Variants in ATF1 observed in about 807,000 individuals in gnomAD.
ATF1 encodes cyclic AMP-dependent transcription factor ATF-1.
ATF1 carries 16 observed loss-of-function variants against 34.7 expected under a neutral mutation model. The observed-to-expected ratio is 0.46, with a 90% CI of 0.31 to 0.70. The LOEUF is 0.70. Among genes scored for constraint, ATF1 ranks in the 30% least tolerant of loss-of-function variants. The probability of loss-of-function intolerance (pLI) is 0.05; values close to 1 mark genes in which losing one functional copy is unlikely to be tolerated. For synonymous variants in ATF1, 105 were observed against 113.1 expected (o/e 0.93, Z 0.46); for missense variants, 255 against 321.6 (o/e 0.79, Z 1.58).
rs144122599 is a variant in ATF1 at position 50,796,268 on chromosome 12, G to A, written c.194+259G>A. 1.3e-3 allele frequency among the ~76,000 whole-genome samples: 197 copies of A among 152,004 alleles called. 1 individual carries two copies. Among genetic ancestry groups the A allele is most frequent in the African/African-American group, 4.6e-3 (190 of 41,434 alleles). Reference sequence around the variant, plus strand: ...ACCTTAGCTGGACATAGTGGCGCACGCCTGTAGTCCCATCTACTTAGAGGC... The same window carrying A: ...ACCTTAGCTGGACATAGTGGCGCACACCTGTAGTCCCATCTACTTAGAGGC... On this transcript the variant is annotated intron_variant, in intron 3 of 6. Transcript: ENST00000262053.
intron 1 of ATF1, among the ~76,000 whole-genome samples, chr12:50,767,602 G>A (rs1182316023): frequency 6.6e-6 from 1 of 152,230 alleles, no homozygotes; most frequent in Non-Finnish European, 1.5e-5. Flanking sequence ...ATACTTGGCT[G>A]CAGGTCCCTG....
intron 5 of ATF1, 37 bp downstream of exon 5, chr12:50,814,229 A>T (rs1941795518): frequency 6.2e-7 from 1 of 1,613,226 alleles, no homozygotes; most frequent in South Asian, 1.1e-5. Context: ...GTCTCCTAAC[A>T]CTGTCAGAGA....
intron 6 of ATF1, 112 bp downstream of exon 6, chr12:50,814,551 G>A (rs1055273282): frequency 7.8e-6 from 9 of 1,160,540 alleles, no homozygotes; most frequent in Non-Finnish European, 1.1e-5. Context: ...CAATGTTTAA[G>A]TAAACAATGG....
At chr12:50,796,827 A>G (rs1941417725) in intron 3 of ATF1, among the ~76,000 whole-genome samples, 1 of 152,330 alleles carries the variant, frequency 6.6e-6, no homozygotes, top group South Asian at 2.1e-4. Context: ...CATAGGCGAT[A>G]AGCTCTTCGA....
chr12:50,806,175 T>A (rs1401053816), intron 3 of ATF1, among the ~76,000 whole-genome samples: 6 of 150,310 alleles, frequency 4.0e-5, no homozygotes, highest in African/African-American at 1.5e-4. Flanking sequence ...AAGAAAAAAA[T>A]AATTGCTAGT....
chr12:50,783,864 C>CT (rs1172551642), intron 2 of ATF1, among the ~76,000 whole-genome samples: 1 of 74,164 alleles, frequency 1.3e-5, no homozygotes, highest in Non-Finnish European at 2.9e-5. Flanking sequence ...AAAACTCCGT[C>CT]TGAAAAAAAA....
intron 4 of ATF1, among the ~76,000 whole-genome samples, chr12:50,810,572 C>A (rs1941715993): frequency 6.6e-6 from 1 of 152,132 alleles, no homozygotes; most frequent in Admixed American, 6.6e-5. Flanking sequence ...CAGTAAAATT[C>A]ACTCTTTGGG....
At chr12:50,795,810 G>T in intron 2 of ATF1, 99 bp from the exon 3 acceptor site, 1 of 822,084 alleles carries the variant, frequency 1.2e-6, no homozygotes, top group Admixed American at 2.6e-5. Flanking sequence ...AAATGAATTG[G>T]AGTGGCAGGA....
chr12:50,819,505 A>G (rs185457687), intron 6 of ATF1, 130 bp from the exon 7 acceptor site: 1,994 of 1,032,036 alleles, frequency 1.9e-3, no homozygotes, highest in Non-Finnish European at 2.4e-3. Flanking sequence ...CTTAAGATCT[A>G]TGTATTCTCT....
intron 4 of ATF1, among the ~76,000 whole-genome samples, chr12:50,811,187 A>G (rs546597310): frequency 4.6e-5 from 7 of 152,288 alleles, no homozygotes; most frequent in African/African-American, 1.7e-4. Context: ...CACCTCCACA[A>G]AGAGACCACT....
chr12:50,804,593 G>C (rs1941577958), intron 3 of ATF1, among the ~76,000 whole-genome samples: 1 of 152,142 alleles, frequency 6.6e-6, no homozygotes, highest in African/African-American at 2.4e-5. Flanking sequence ...GGAGGCTGCA[G>C]TGAGCTATGA....
intron 1 of ATF1, among the ~76,000 whole-genome samples, chr12:50,768,509 A>G (rs1166048193): frequency 3.3e-5 from 5 of 152,232 alleles, no homozygotes; most frequent in African/African-American, 1.2e-4. Context: ...TGTTCTTCCA[A>G]GGGCTCCACC....
intron 4 of ATF1, among the ~76,000 whole-genome samples, chr12:50,811,819 G>T (rs1941744496): frequency 1.3e-5 from 2 of 151,872 alleles, no homozygotes; most frequent in Non-Finnish European, 2.9e-5. Context: ...AAAGAAACTG[G>T]GAGCAGTGGT....
rs1941913939 is a variant in ATF1, at chr12:50,819,852, T to G, written c.*73T>G. 7.8e-7 allele frequency: 1 copy of G among 1,283,202 alleles called. No homozygotes were observed. Among genetic ancestry groups the G allele is most frequent in the Admixed American group, 2.5e-5 (1 of 40,030 alleles). The allele number at this position is 1,283,202 out of a possible 1,614,324, so 79.5% of individuals were successfully genotyped here. On this transcript the variant is annotated 3_prime_UTR_variant, in exon 7 of 7. Coordinates refer to ENST00000262053, the MANE Select transcript of ATF1 (RefSeq NM_005171.5). The stretch of plus-strand genomic sequence containing the variant: ...GATTTCCTAGTGGAGTTTTATAAAT[T>G]AAAAGGTCAAAACTGAAGCTTTTTA...
intron 3 of ATF1, among the ~76,000 whole-genome samples, chr12:50,803,308 A>T (rs1274315652): frequency 6.6e-6 from 1 of 152,026 alleles, no homozygotes; most frequent in Non-Finnish European, 1.5e-5. Context: ...AAATTTCTCC[A>T]AAGAAGATAA....
intron 1 of ATF1, among the ~76,000 whole-genome samples, chr12:50,773,880 A>T (rs1940845411): frequency 6.6e-6 from 1 of 152,018 alleles, no homozygotes; most frequent in Non-Finnish European, 1.5e-5. Flanking sequence ...GTGAGTCACC[A>T]TGCCAGGCCG....
chr12:50,783,656 G>A (rs1184218058), intron 2 of ATF1, among the ~76,000 whole-genome samples: 1 of 151,570 alleles, frequency 6.6e-6, no homozygotes, highest in Non-Finnish European at 1.5e-5. Context: ...GATCACGAGG[G>A]CAGGAGTTCA....
chr12:50,812,139 A>G (rs1474326302), intron 4 of ATF1, among the ~76,000 whole-genome samples: 1 of 147,572 alleles, frequency 6.8e-6, no homozygotes, highest in Non-Finnish European at 1.5e-5. Flanking sequence ...GAATAAATAC[A>G]GCACATTAAC....
At chr12:50,777,125 A>G (rs1405821832) in intron 1 of ATF1, among the ~76,000 whole-genome samples, 1 of 152,206 alleles carries the variant, frequency 6.6e-6, no homozygotes, top group African/African-American at 2.4e-5. Context: ...AAATGCTGGG[A>G]TTACAGGCAT....
Sources: gnomAD v4.1 joint callset for allele counts (sites outside exome capture counted in the v4.1 genomes callset) on GRCh38, gnomAD v4.1.1 for gene constraint, MANE v1.5 for transcripts, NCBI Gene and HGNC (gene_info 2026-07-23, HGNC 2026-07-21) for gene names.